SCFD2: variants seen among roughly 807,000 people sequenced by gnomAD.
The protein encoded by SCFD2 is sec1 family domain containing 2, also known as sec1 family domain-containing protein 2.
A neutral mutation model predicts 58.9 loss-of-function variants in SCFD2; 54 were observed. That is an observed-to-expected ratio of 0.92 (90% CI 0.74 to 1.15). The LOEUF (loss-of-function observed/expected upper bound fraction) is 1.15. Ranked by LOEUF, SCFD2 falls within the 50% of genes most tolerant of loss-of-function variation. The probability of loss-of-function intolerance (pLI) is 0.00; values close to 1 mark genes in which losing one functional copy is unlikely to be tolerated. For synonymous variants in SCFD2, 321 were observed against 335.9 expected (o/e 0.96, Z 0.49); for missense variants, 805 against 836.6 (o/e 0.96, Z 0.47).
At chr4:53,016,170 A>G (rs886613030) in intron 5 of SCFD2, among the ~76,000 whole-genome samples, 4 of 152,230 alleles carry the variant, frequency 2.6e-5, no homozygotes, top group African/African-American at 9.6e-5. Context: ...TCACAAAATA[A>G]AACAAAGCTC....
At chr4:53,180,586 A>G (rs1273600142) in intron 4 of SCFD2, among the ~76,000 whole-genome samples, 1 of 152,192 alleles carries the variant, frequency 6.6e-6, no homozygotes, top group African/African-American at 2.4e-5. Context: ...ATCACAATTA[A>G]AAGAACTAGA....
At chr4:53,194,362 A>T (rs185910052) in intron 4 of SCFD2, among the ~76,000 whole-genome samples, 71 of 152,284 alleles carry the variant, frequency 4.7e-4, no homozygotes, top group Non-Finnish European at 7.4e-5. Context: ...CAATTATGTA[A>T]AGAAAAAACT....
At chr4:53,349,861 A>C (rs1734162367) in intron 2 of SCFD2, among the ~76,000 whole-genome samples, 1 of 152,102 alleles carries the variant, frequency 6.6e-6, no homozygotes, top group Non-Finnish European at 1.5e-5. Context: ...TAATTACCTT[A>C]GGTTTCTGTG....
At chr4:53,062,081 G>A (rs145155186) in intron 5 of SCFD2, among the ~76,000 whole-genome samples, 220 of 151,728 alleles carry the variant, frequency 1.4e-3, no homozygotes, top group African/African-American at 5.0e-3. Context: ...CATAATAATA[G>A]TAATAATAGG....
At chr4:53,089,327 T>A (rs1724405477) in intron 5 of SCFD2, among the ~76,000 whole-genome samples, 1 of 152,220 alleles carries the variant, frequency 6.6e-6, no homozygotes, top group African/African-American at 2.4e-5. Context: ...TTTCCAGCTC[T>A]TTTAATTGCC....
chr4:53,109,336 T>A (rs1429079017), intron 5 of SCFD2, among the ~76,000 whole-genome samples: 2 of 152,166 alleles, frequency 1.3e-5, no homozygotes, highest in African/African-American at 4.8e-5. Flanking sequence ...TCACCACTCC[T>A]ATTCAACATA....
At chr4:53,192,617 A>C (rs992049288) in intron 4 of SCFD2, among the ~76,000 whole-genome samples, 1 of 152,192 alleles carries the variant, frequency 6.6e-6, no homozygotes, top group Non-Finnish European at 1.5e-5. Flanking sequence ...ACGAATTGCC[A>C]TTCTTGACCC....
intron 5 of SCFD2, among the ~76,000 whole-genome samples, chr4:52,944,486 T>C (rs1284368668): frequency 1.3e-5 from 2 of 152,186 alleles, no homozygotes; most frequent in Non-Finnish European, 2.9e-5. Context: ...AATAGCTAAC[T>C]ATATTATTCA....
intron 4 of SCFD2, among the ~76,000 whole-genome samples, chr4:53,243,216 A>G (rs549907556): frequency 6.6e-6 from 1 of 152,220 alleles, no homozygotes; most frequent in African/African-American, 2.4e-5. Flanking sequence ...CAAAATGTTA[A>G]GGCAGCTAAA....
chr4:53,248,433 G>C (rs1373642905), intron 4 of SCFD2, among the ~76,000 whole-genome samples: 2 of 152,334 alleles, frequency 1.3e-5, no homozygotes, highest in East Asian at 3.9e-4. Flanking sequence ...AGCTCAAGGA[G>C]GCCTGCCTGC....
intron 4 of SCFD2, among the ~76,000 whole-genome samples, chr4:53,178,439 C>A (rs1401422903): frequency 6.6e-6 from 1 of 152,194 alleles, no homozygotes; most frequent in African/African-American, 2.4e-5. Flanking sequence ...GCTGAGGGTC[C>A]TGTCTGCTAG....
rs139678748 is a variant in SCFD2, at chr4:53,129,003, A to T, written c.1561+16330T>A. ...CAGATTTGTTTTTCTTAACTACCAC[A>T]ACACAAATAAGGAAATAAAGAGTTT... is the stretch of plus-strand genomic sequence containing the variant. On this transcript the variant is annotated intron_variant, in intron 5 of 8. Coordinates refer to ENST00000401642, the MANE Select transcript of SCFD2 (RefSeq NM_152540.4). 4.0e-4 allele frequency among the ~76,000 whole-genome samples: 61 copies of T among 152,368 alleles called. 2 individuals are homozygous for T. In the East Asian group the frequency reaches 0.012, roughly 29 times the overall value.
chr4:53,234,945 G>A (rs1729550417), intron 4 of SCFD2, among the ~76,000 whole-genome samples: 2 of 152,264 alleles, frequency 1.3e-5, no homozygotes, highest in Admixed American at 6.5e-5. Context: ...CTGGTATGGT[G>A]TTTCCACCAT....
At chr4:53,276,099 G>A (rs1731318566) in intron 3 of SCFD2, among the ~76,000 whole-genome samples, 1 of 151,728 alleles carries the variant, frequency 6.6e-6, no homozygotes, top group South Asian at 2.1e-4. Flanking sequence ...TTCTAGGACA[G>A]ATGTTAAGTA....
At chr4:52,915,908 G>C (rs555943389) in intron 6 of SCFD2, among the ~76,000 whole-genome samples, 5 of 152,198 alleles carry the variant, frequency 3.3e-5, no homozygotes, top group African/African-American at 7.2e-5. Flanking sequence ...GACAAAAGAG[G>C]CCAGGCCTAA....
intron 5 of SCFD2, among the ~76,000 whole-genome samples, chr4:53,124,241 A>G (rs1394532749): frequency 4.6e-5 from 7 of 152,220 alleles, no homozygotes; most frequent in Non-Finnish European, 7.3e-5. Context: ...AGGACCAAGT[A>G]TTTGACAAAC....
At chr4:52,929,709 C>A (rs931076937) in intron 5 of SCFD2, among the ~76,000 whole-genome samples, 22 of 152,156 alleles carry the variant, frequency 1.4e-4, no homozygotes, top group Admixed American at 1.1e-3. Context: ...GGGATGCAGG[C>A]ACTGGGACAA....
At chr4:53,040,055 A>C (rs1722856755) in intron 5 of SCFD2, among the ~76,000 whole-genome samples, 1 of 152,190 alleles carries the variant, frequency 6.6e-6, no homozygotes, top group East Asian at 1.9e-4. Flanking sequence ...TCATGCTATT[A>C]ACAAATCACC....
intron 3 of SCFD2, among the ~76,000 whole-genome samples, chr4:53,282,719 G>A (rs574702460): frequency 1.3e-5 from 2 of 151,330 alleles, no homozygotes; most frequent in Admixed American, 6.6e-5. Flanking sequence ...GCTATACCAG[G>A]AAATAAAAAA....
Sources: allele counts gnomAD v4.1 joint callset (sites outside exome capture counted in the v4.1 genomes callset), GRCh38; gene constraint gnomAD v4.1.1; transcripts MANE v1.5; gene names NCBI Gene and HGNC (gene_info 2026-07-23, HGNC 2026-07-21).